PDE11A: variants seen among roughly 807,000 people sequenced by gnomAD.
The protein encoded by PDE11A is phosphodiesterase 11A.
Under a neutral mutation model 100.5 loss-of-function variants are expected in PDE11A, and 100 were observed. That is an observed-to-expected ratio of 1.00 (90% CI 0.85 to 1.18). The LOEUF (loss-of-function observed/expected upper bound fraction) is 1.18, where lower values mean the gene tolerates loss of function less well. Among genes scored for constraint, PDE11A ranks in the 50% most tolerant of loss-of-function variants. The probability of loss-of-function intolerance (pLI) is 0.00; values close to 1 mark genes in which losing one functional copy is unlikely to be tolerated. For synonymous variants in PDE11A, 381 were observed against 420.8 expected (o/e 0.91, Z 1.16); for missense variants, 1,141 against 1,152.6 (o/e 0.99, Z 0.15).
At chr2:177,924,864 T>C (rs1574283116) in intron 2 of PDE11A, among the ~76,000 whole-genome samples, 3 of 147,514 alleles carry the variant, frequency 2.0e-5, no homozygotes, top group South Asian at 4.5e-4. Context: ...TATCTCCCAA[T>C]GCTATCCCTC....
intron 2 of PDE11A, among the ~76,000 whole-genome samples, chr2:177,971,566 T>A (rs2085770551): frequency 6.6e-6 from 1 of 152,176 alleles, no homozygotes; most frequent in South Asian, 2.1e-4. Flanking sequence ...GACTAAAACA[T>A]AGATCTGTTC....
chr2:178,023,751 ACACTTT>A (rs1406604683), intron 1 of PDE11A, among the ~76,000 whole-genome samples: 1 of 152,242 alleles, frequency 6.6e-6, no homozygotes, highest in Non-Finnish European at 1.5e-5. Context: ...TAATTCCATA[ACACTTT>A]CAAATGACCT....
At chr2:177,717,562 C>T (rs1398599496) in intron 12 of PDE11A, among the ~76,000 whole-genome samples, 2 of 152,104 alleles carry the variant, frequency 1.3e-5, no homozygotes, top group Non-Finnish European at 2.9e-5. Flanking sequence ...TATCTTCTCA[C>T]CTGTATTCCC....
At chr2:178,056,554 T>C (rs1221468926) in intron 1 of PDE11A, among the ~76,000 whole-genome samples, 1 of 152,334 alleles carries the variant, frequency 6.6e-6, no homozygotes, top group Non-Finnish European at 1.5e-5. Context: ...TTGCAAGACA[T>C]TGCAATATAG....
rs772223247 is a variant in PDE11A at position 177,701,214 on chromosome 2, G to T, written c.2154-3C>A. 1 of 1,475,616 alleles carries T rather than the reference G, an allele frequency of 6.8e-7. No individual in the cohort carries two copies. Among genetic ancestry groups the T allele is most frequent in the Middle Eastern group, 1.8e-4 (1 of 5,702 alleles). The allele number at this position is 1,475,616 out of a possible 1,614,324, so 91.4% of individuals were successfully genotyped here. On this transcript the variant is annotated splice_polypyrimidine_tract_variant and splice_region_variant and intron_variant, in intron 13 of 19. Transcript: ENST00000286063. Reference sequence around the variant, plus strand: ...GTTGGGCCAGGGCAGAGCCACTCCTGAAAGAGGACAGAGGGTGAGTGAGCA... The same window carrying T: ...GTTGGGCCAGGGCAGAGCCACTCCTTAAAGAGGACAGAGGGTGAGTGAGCA...
chr2:177,655,762 T>C (rs1453203456), intron 19 of PDE11A, among the ~76,000 whole-genome samples: 1 of 152,294 alleles, frequency 6.6e-6, no homozygotes, highest in Non-Finnish European at 1.5e-5. Context: ...CACTACAGGA[T>C]CCTAAAAGTT....
intron 13 of PDE11A, among the ~76,000 whole-genome samples, chr2:177,703,172 A>G (rs1048348288): frequency 6.6e-6 from 1 of 152,176 alleles, no homozygotes; most frequent in African/African-American, 2.4e-5. Flanking sequence ...GTTGATAATA[A>G]GTGTGTTAGC....
chr2:177,805,362 T>C (rs1158947138), intron 9 of PDE11A, among the ~76,000 whole-genome samples: 2 of 151,948 alleles, frequency 1.3e-5, no homozygotes, highest in Admixed American at 1.3e-4. Flanking sequence ...CATTCTAAGC[T>C]CTTTAAGGCA....
chr2:178,001,176 T>C (rs1034917718), intron 2 of PDE11A, among the ~76,000 whole-genome samples: 9 of 152,140 alleles, frequency 5.9e-5, no homozygotes, highest in African/African-American at 2.2e-4. Context: ...ATGTTTCCAT[T>C]ATTTTCTCAT....
At chr2:177,702,314 CAAAA>C in intron 13 of PDE11A, among the ~76,000 whole-genome samples, 1 of 140,796 alleles carries the variant, frequency 7.1e-6, no homozygotes, top group African/African-American at 2.6e-5. Flanking sequence ...GACTCCGTCT[CAAAA>C]AAAAAAAAAA....
chr2:177,905,331 C>T (rs982495731), intron 2 of PDE11A, 144 bp from the exon 3 acceptor site: 8 of 580,074 alleles, frequency 1.4e-5, no homozygotes, highest in African/African-American at 9.3e-5. Context: ...GTTGTTGATA[C>T]TAGTATTTTA....
chr2:177,647,725 G>A (rs2080245466), intron 19 of PDE11A, among the ~76,000 whole-genome samples: 1 of 152,160 alleles, frequency 6.6e-6, no homozygotes, highest in Non-Finnish European at 1.5e-5. Flanking sequence ...GAAATGCTTT[G>A]TCTTTAGGTA....
chr2:177,631,629 G>GTATATATATACACACA (rs2079949245), intron 19 of PDE11A, among the ~76,000 whole-genome samples: 1 of 109,318 alleles, frequency 9.1e-6, no homozygotes, highest in Non-Finnish European at 1.8e-5. Context: ...ATATGTGTGT[G>GTATATATATACACACA]TATATATATA....
intron 19 of PDE11A, among the ~76,000 whole-genome samples, chr2:177,643,044 C>T (rs2080167243): frequency 6.6e-6 from 1 of 152,168 alleles, no homozygotes; most frequent in African/African-American, 2.4e-5. Flanking sequence ...CTGTAAGTCC[C>T]TTAAACCTCT....
chr2:178,059,266 G>T (rs762434391), intron 1 of PDE11A, among the ~76,000 whole-genome samples: 4 of 152,190 alleles, frequency 2.6e-5, no homozygotes, highest in Non-Finnish European at 4.4e-5. Context: ...AGGGTCCAGG[G>T]TATGGGTATG....
chr2:177,850,689 G>GA (rs1399851450), intron 5 of PDE11A, among the ~76,000 whole-genome samples: 87 of 152,074 alleles, frequency 5.7e-4, no homozygotes, highest in African/African-American at 2.0e-3. Context: ...AAATTTACAA[G>GA]AAAAAAACAA....
Position 177,876,515 on chromosome 2 carries a change from G to A in PDE11A, c.1303-592C>T, listed in dbSNP as rs1320586561. Among the ~76,000 whole-genome samples the A allele has an allele frequency of 2.7e-5, 4 of 148,490 alleles. No homozygotes were observed. In the South Asian group the frequency reaches 8.6e-4, roughly 32 times the overall value. On this transcript the variant is annotated intron_variant, in intron 4 of 19. Transcript: ENST00000286063. ...GAGAGTTGACCAAGGCTTATGTTGA[G>A]GGGGAATTTATGGAACAGAAAATGT...
chr2:177,968,950 T>C (rs933311531), intron 2 of PDE11A, among the ~76,000 whole-genome samples: 3 of 152,232 alleles, frequency 2.0e-5, no homozygotes, highest in Non-Finnish European at 4.4e-5. Flanking sequence ...ATCATTCTAC[T>C]ATAAGAACAC....
chr2:177,814,322 T>C (rs540826642), intron 9 of PDE11A, among the ~76,000 whole-genome samples: 2 of 152,122 alleles, frequency 1.3e-5, no homozygotes, highest in African/African-American at 2.4e-5. Context: ...AATATACGTA[T>C]ATCTCATTCC....
Sources: allele counts gnomAD v4.1 joint callset (sites outside exome capture counted in the v4.1 genomes callset), GRCh38; gene constraint gnomAD v4.1.1; transcripts MANE v1.5; gene names NCBI Gene and HGNC (gene_info 2026-07-23, HGNC 2026-07-21).